Variants in RORA observed in about 807,000 individuals in gnomAD.
RORA encodes RAR related orphan receptor A.
In RORA, 7 loss-of-function variants were observed where a neutral mutation model predicts 69.5. The ratio of observed to expected loss-of-function variants is 0.10; its 90% CI spans 0.06 to 0.19. The LOEUF is 0.19. RORA is among the 10% of genes least tolerant of loss of function. The pLI is 1.00. For synonymous variants in RORA, 261 were observed against 240.8 expected (o/e 1.08, Z -0.78); for missense variants, 457 against 663.0 (o/e 0.69, Z 3.41).
At chr15:60,946,348 T>G (rs1406141359) in intron 1 of RORA, among the ~76,000 whole-genome samples, 1 of 152,236 alleles carries the variant, frequency 6.6e-6, no homozygotes, top group Non-Finnish European at 1.5e-5. Context: ...CCGCCATCTC[T>G]GCTCACTGCA....
intron 2 of RORA, among the ~76,000 whole-genome samples, chr15:60,571,240 C>T (rs771422297): frequency 9.9e-5 from 15 of 151,884 alleles, no homozygotes; most frequent in Non-Finnish European, 2.1e-4. Context: ...CAATACTCAG[C>T]ATGAAGGGAC....
intron 1 of RORA, among the ~76,000 whole-genome samples, chr15:61,149,282 A>T (rs2079377778): frequency 6.6e-6 from 1 of 152,016 alleles, no homozygotes; most frequent in Non-Finnish European, 1.5e-5. Flanking sequence ...GTCTCTTTCC[A>T]TGTCTCTGTG....
At chr15:60,967,982 A>C (rs562166992) in intron 1 of RORA, among the ~76,000 whole-genome samples, 1 of 152,206 alleles carries the variant, frequency 6.6e-6, no homozygotes, top group Non-Finnish European at 1.5e-5. Flanking sequence ...CATGCCTCTT[A>C]AGGGCATGCA....
intron 1 of RORA, among the ~76,000 whole-genome samples, chr15:60,960,767 C>T (rs1893395886): frequency 6.6e-6 from 1 of 151,998 alleles, no homozygotes; most frequent in Admixed American, 6.6e-5. Flanking sequence ...GATTTTAACA[C>T]ATTCGCTTCA....
intron 1 of RORA, among the ~76,000 whole-genome samples, chr15:60,835,942 C>T (rs1220054041): frequency 6.6e-6 from 1 of 152,190 alleles, no homozygotes; most frequent in Non-Finnish European, 1.5e-5. Context: ...TTGTTTTTGT[C>T]TGCAAAACTC....
intron 1 of RORA, among the ~76,000 whole-genome samples, chr15:60,771,211 T>C (rs2072068466): frequency 6.9e-6 from 1 of 144,480 alleles, no homozygotes; most frequent in African/African-American, 2.9e-5. Flanking sequence ...TCCACTGAGT[T>C]TGAGTTACTT....
At chr15:60,973,232 C>T (rs1471325111) in intron 1 of RORA, among the ~76,000 whole-genome samples, 1 of 152,194 alleles carries the variant, frequency 6.6e-6, no homozygotes, top group Non-Finnish European at 1.5e-5. Context: ...CACAGGTTCA[C>T]TCAGTGTCAG....
At chr15:60,867,701 A>C (rs1453637364) in intron 1 of RORA, among the ~76,000 whole-genome samples, 4 of 152,298 alleles carry the variant, frequency 2.6e-5, no homozygotes, top group Admixed American at 6.5e-5. Context: ...TGTTGAGGCT[A>C]CAGCTACCAG....
intron 2 of RORA, among the ~76,000 whole-genome samples, chr15:60,544,473 C>CTTT (rs1224433489): frequency 6.6e-6 from 1 of 151,420 alleles, no homozygotes; most frequent in African/African-American, 2.4e-5. Flanking sequence ...GCTCTCCCTG[C>CTTT]TTTTTTTTGT....
chr15:61,133,061 CTAAAAG>C (rs927576343), intron 1 of RORA, among the ~76,000 whole-genome samples: 3 of 151,372 alleles, frequency 2.0e-5, no homozygotes, highest in Non-Finnish European at 4.4e-5. Flanking sequence ...AGGTAACTCT[CTAAAAG>C]TAAAACTGTA....
intron 1 of RORA, among the ~76,000 whole-genome samples, chr15:61,208,861 T>C (rs966464540): frequency 2.0e-5 from 3 of 152,182 alleles, no homozygotes; most frequent in African/African-American, 7.2e-5. Flanking sequence ...ATAAAGATAA[T>C]AAAATATCCT....
intron 1 of RORA, among the ~76,000 whole-genome samples, chr15:60,758,196 G>T (rs1276222081): frequency 6.6e-6 from 1 of 152,106 alleles, no homozygotes; most frequent in African/African-American, 2.4e-5. Flanking sequence ...ACAATGCCTG[G>T]CACAGGGTGA....
At chr15:60,800,964 T>C (rs979734240) in intron 1 of RORA, among the ~76,000 whole-genome samples, 9 of 152,208 alleles carry the variant, frequency 5.9e-5, no homozygotes, top group Non-Finnish European at 1.0e-4. Flanking sequence ...CTTTCTGCAG[T>C]GCTTGGCACA....
intron 1 of RORA, among the ~76,000 whole-genome samples, chr15:61,059,988 G>GGAAGAGGAAGAGGAAGAA (rs2078155885): frequency 1.2e-5 from 1 of 85,910 alleles, no homozygotes; most frequent in East Asian, 3.6e-4. Flanking sequence ...AAGAGGAAGA[G>GGAAGAGGAAGAGGAAGAA]GAAGAAGAAG....
intron 1 of RORA, among the ~76,000 whole-genome samples, chr15:60,762,878 C>G (rs1420467508): frequency 6.6e-6 from 1 of 152,038 alleles, no homozygotes; most frequent in African/African-American, 2.4e-5. Context: ...ACTTCCGCTA[C>G]CTGATTCTTG....
intron 1 of RORA, among the ~76,000 whole-genome samples, chr15:61,098,885 A>G (rs1256494514): frequency 3.3e-5 from 5 of 152,260 alleles, no homozygotes; most frequent in South Asian, 2.1e-4. Context: ...AATTAAGAGC[A>G]TAAGTCTTTT....
intron 1 of RORA, among the ~76,000 whole-genome samples, chr15:61,068,912 G>A (rs2078301193): frequency 1.3e-5 from 2 of 152,166 alleles, no homozygotes; most frequent in Admixed American, 1.3e-4. Flanking sequence ...ACCACTGAAA[G>A]CAATTTATGA....
chr15:60,509,570 T>C (rs571992147), intron 5 of RORA, among the ~76,000 whole-genome samples: 1 of 152,330 alleles, frequency 6.6e-6, no homozygotes, highest in Non-Finnish European at 1.5e-5. Flanking sequence ...TATGGATTTA[T>C]TTCAGGATTG....
intron 1 of RORA, among the ~76,000 whole-genome samples, chr15:60,850,395 T>C (rs2073311333): frequency 6.6e-6 from 1 of 152,182 alleles, no homozygotes; most frequent in African/African-American, 2.4e-5. Context: ...GATGCTGGTG[T>C]GATGTTTAAG....
Sources: gnomAD v4.1 joint callset for allele counts (sites outside exome capture counted in the v4.1 genomes callset) on GRCh38, gnomAD v4.1.1 for gene constraint, MANE v1.5 for transcripts, NCBI Gene and HGNC (gene_info 2026-07-23, HGNC 2026-07-21) for gene names.